The following CLSTN2 variants were observed in gnomAD, a reference collection of about 807,000 sequenced individuals.
CLSTN2 encodes the protein calsyntenin 2.
A neutral mutation model predicts 101.2 loss-of-function variants in CLSTN2; 48 were observed. That is an observed-to-expected ratio of 0.47 (90% CI 0.38 to 0.60). The LOEUF (loss-of-function observed/expected upper bound fraction) is 0.60, where lower values mean the gene tolerates loss of function less well. Among genes scored for constraint, CLSTN2 ranks in the 20% least tolerant of loss-of-function variants. The probability of loss-of-function intolerance (pLI) is 0.00; values close to 1 mark genes in which losing one functional copy is unlikely to be tolerated. For missense variants in CLSTN2, 1,160 were observed against 1,238.2 expected, an observed-to-expected ratio of 0.94 and a Z score of 0.95; for synonymous variants, 481 against 463.6, an observed-to-expected ratio of 1.04 and a Z score of -0.48.
rs377757913 is a variant in CLSTN2 at position 140,546,696 on chromosome 3, G to A, written c.1674+15G>A. On this transcript the variant is annotated intron_variant, in intron 10 of 16. Coordinates refer to ENST00000458420, the MANE Select transcript of CLSTN2 (RefSeq NM_022131.3). ...AAGGAATAAAGGTAAGGCAGGAGCT[G>A]GCATCACTCCCAATAAGACAGGGAT... 3 of 1,601,486 alleles carry A rather than the reference G, an allele frequency of 1.9e-6. No individual in the cohort carries two copies. The highest frequency in any genetic ancestry group is 1.3e-5 in the African/African-American group (1 of 74,596).
At chr3:139,987,691 T>A (rs1936049667) in intron 1 of CLSTN2, among the ~76,000 whole-genome samples, 1 of 152,210 alleles carries the variant, frequency 6.6e-6, no homozygotes, top group African/African-American at 2.4e-5. Context: ...CCTCAGGTAG[T>A]AGGAGGTTGC....
rs557856160 is a variant in CLSTN2, at chr3:140,042,600, C to T, written c.109+107117C>T. Among the ~76,000 whole-genome samples, 30 of 152,056 alleles carry T rather than the reference C, an allele frequency of 2.0e-4. No homozygotes were observed. The South Asian group carries it at 5.0e-3, about 25-fold the overall frequency. On this transcript the variant is annotated intron_variant, in intron 1 of 16. Transcript: ENST00000458420. ...CAGGTTTGTTACATATGTGTACGTG[C>T]GCCATGTTGGTGTGCTGCACCCATT...
intron 9 of CLSTN2, among the ~76,000 whole-genome samples, chr3:140,537,712 TA>T (rs1391608888): frequency 3.3e-5 from 5 of 152,236 alleles, no homozygotes; most frequent in African/African-American, 4.8e-5. Flanking sequence ...TTTAAAAGAC[TA>T]AATTAATTTG....
intron 12 of CLSTN2, among the ~76,000 whole-genome samples, chr3:140,560,931 T>C (rs1935899883): frequency 6.6e-6 from 1 of 152,158 alleles, no homozygotes; most frequent in Non-Finnish European, 1.5e-5. Context: ...TTGCTGATTA[T>C]ACACGAAACC....
intron 2 of CLSTN2, among the ~76,000 whole-genome samples, chr3:140,228,277 A>G (rs1404025445): frequency 6.6e-6 from 1 of 152,178 alleles, no homozygotes; most frequent in African/African-American, 2.4e-5. Context: ...AAGTTCCACA[A>G]GTCTCTAGGG....
In CLSTN2 at chr3:140,569,126, C is replaced by T. The variant is rs1246949335; in HGVS notation, c.*2873C>T. On this transcript the variant is annotated 3_prime_UTR_variant, in exon 17 of 17. Transcript: ENST00000458420. The stretch of plus-strand genomic sequence containing the variant: ...AGTGGTTATATCCCAGTAACAGAAG[C>T]TTTGGGAGGTATCCAGGTGAGCAGG... 1 of 152,238 alleles carries T rather than the reference C, an allele frequency of 6.6e-6. No individual in the cohort carries two copies. Among genetic ancestry groups the T allele is most frequent in the East Asian group, 1.9e-4 (1 of 5,208 alleles). The allele number at this position is 152,238 out of a possible 1,614,324, so 9.4% of individuals were successfully genotyped here.
At chr3:140,014,611 G>C (rs1389783840) in intron 1 of CLSTN2, among the ~76,000 whole-genome samples, 1 of 152,134 alleles carries the variant, frequency 6.6e-6, no homozygotes, top group African/African-American at 2.4e-5. Flanking sequence ...AAGGGTGTGA[G>C]GGAAGGAGAG....
intron 1 of CLSTN2, among the ~76,000 whole-genome samples, chr3:140,007,911 G>A (rs1221758328): frequency 2.6e-5 from 4 of 152,178 alleles, no homozygotes; most frequent in African/African-American, 9.7e-5. Context: ...TTTCCTGGAG[G>A]TAACTTGAAC....
At chr3:140,071,385 A>G (rs945375871) in intron 1 of CLSTN2, among the ~76,000 whole-genome samples, 1 of 152,218 alleles carries the variant, frequency 6.6e-6, no homozygotes, top group Non-Finnish European at 1.5e-5. Context: ...ACTTTAGAGA[A>G]GCCAACAGAG....
chr3:140,071,018 A>G (rs2008382744), intron 1 of CLSTN2, among the ~76,000 whole-genome samples: 1 of 152,210 alleles, frequency 6.6e-6, no homozygotes, highest in African/African-American at 2.4e-5. Context: ...GAAGATTGGC[A>G]CGGCAAGACT....
At chr3:140,137,305 T>C (rs1467615052) in intron 1 of CLSTN2, among the ~76,000 whole-genome samples, 1 of 152,146 alleles carries the variant, frequency 6.6e-6, no homozygotes, top group Non-Finnish European at 1.5e-5. Context: ...TTTGATATAA[T>C]ATACATTCCT....
intron 1 of CLSTN2, among the ~76,000 whole-genome samples, chr3:139,962,498 TAA>T (rs1190666466): frequency 5.9e-5 from 9 of 152,312 alleles, no homozygotes; most frequent in Non-Finnish European, 1.5e-5. Context: ...TCACTATAGA[TAA>T]GTTTCCCAGA....
chr3:139,971,071 T>C (rs1391866535), intron 1 of CLSTN2, among the ~76,000 whole-genome samples: 1 of 152,192 alleles, frequency 6.6e-6, no homozygotes, highest in East Asian at 1.9e-4. Flanking sequence ...TTGCACTCAT[T>C]TGCTCTTTAC....
intron 8 of CLSTN2, among the ~76,000 whole-genome samples, chr3:140,512,680 T>A (rs1169245222): frequency 6.6e-6 from 1 of 152,230 alleles, no homozygotes; most frequent in Non-Finnish European, 1.5e-5. Context: ...GGGAATAGCA[T>A]TGAATCTATA....
intron 1 of CLSTN2, among the ~76,000 whole-genome samples, chr3:140,149,138 T>C (rs1440393583): frequency 2.6e-5 from 4 of 152,194 alleles, no homozygotes; most frequent in Admixed American, 1.3e-4. Flanking sequence ...TGTCCATTCC[T>C]GGCTGTCCCT....
At chr3:140,193,368 T>C (rs2010600515) in intron 2 of CLSTN2, among the ~76,000 whole-genome samples, 2 of 150,440 alleles carry the variant, frequency 1.3e-5, no homozygotes, top group Admixed American at 6.6e-5. Flanking sequence ...CATTCAAGAA[T>C]GTCTTGATTT....
intron 5 of CLSTN2, among the ~76,000 whole-genome samples, chr3:140,441,636 A>G (rs1463389072): frequency 2.0e-5 from 3 of 152,176 alleles, no homozygotes; most frequent in Admixed American, 6.5e-5. Context: ...TCTGCACTCT[A>G]CTGTCTAAGT....
At chr3:140,462,363 C>A (rs999732692) in intron 7 of CLSTN2, among the ~76,000 whole-genome samples, 1 of 152,136 alleles carries the variant, frequency 6.6e-6, no homozygotes, top group African/African-American at 2.4e-5. Context: ...TAGATTGTCT[C>A]CTTTTAAATG....
chr3:140,562,493 G>A (rs1198824317), intron 13 of CLSTN2, among the ~76,000 whole-genome samples, 185 bp downstream of exon 13: 1 of 152,186 alleles, frequency 6.6e-6, no homozygotes, highest in Non-Finnish European at 1.5e-5. Context: ...GCATCTTGGG[G>A]ACCAGTCCCA....
Sources: allele counts gnomAD v4.1 joint callset (sites outside exome capture counted in the v4.1 genomes callset), GRCh38; gene constraint gnomAD v4.1.1; transcripts MANE v1.5; gene names NCBI Gene and HGNC (gene_info 2026-07-23, HGNC 2026-07-21).